TCTN1: variants seen among roughly 807,000 people sequenced by gnomAD.
The protein encoded by TCTN1 is tectonic-1.
TCTN1 carries 58 observed loss-of-function variants against 65.8 expected under a neutral mutation model. The ratio of observed to expected loss-of-function variants is 0.88; its 90% confidence interval spans 0.71 to 1.10. The LOEUF (loss-of-function observed/expected upper bound fraction) is 1.10, where lower values mean the gene tolerates loss of function less well. TCTN1 is among the 50% of genes least tolerant of loss of function. The pLI is 0.00. For synonymous variants in TCTN1, 273 were observed against 289.1 expected (o/e 0.94, Z 0.57); for missense variants, 645 against 719.4 (o/e 0.90, Z 1.18).
At chr12:110,622,052 C>T (rs1213626600) in intron 2 of TCTN1, among the ~76,000 whole-genome samples, 2 of 151,754 alleles carry the variant, frequency 1.3e-5, no homozygotes, top group Admixed American at 1.3e-4. Context: ...GTGGGAGAAT[C>T]GCTTGAACCT....
intron 9 of TCTN1, 136 bp downstream of exon 9, chr12:110,641,285 G>A (rs555498335): frequency 7.9e-7 from 1 of 1,271,724 alleles, no homozygotes; most frequent in East Asian, 2.5e-5. Flanking sequence ...TGTAGCCTGT[G>A]CATTTGTAAT....
chr12:110,628,200 T>A (rs904150465), intron 3 of TCTN1: 1 of 1,536,050 alleles, frequency 6.5e-7, no homozygotes, highest in East Asian at 2.4e-5. Flanking sequence ...CGGATTATTA[T>A]TGGCTTCTGT....
chr12:110,638,726 C>T (rs563061115), intron 7 of TCTN1, among the ~76,000 whole-genome samples: 4 of 152,314 alleles, frequency 2.6e-5, no homozygotes, highest in South Asian at 2.1e-4. Context: ...GCCAATTCCA[C>T]GCACACACCA....
chr12:110,639,983 G>C lies in TCTN1; in HGVS notation c.844-400G>C, dbSNP rs1040599914. 6.6e-6 allele frequency among the ~76,000 whole-genome samples: 1 copy of C among 152,138 alleles called. No homozygotes were observed. Among genetic ancestry groups the C allele is most frequent in the Non-Finnish European group, 1.5e-5 (1 of 68,018 alleles). On this transcript the variant is annotated intron_variant, in intron 7 of 14. Transcript: ENST00000397659. The surrounding 1 kb of genome is among the most constrained non-coding windows in gnomAD (Gnocchi z 4.9). The stretch of plus-strand genomic sequence containing the variant: ...GTTTTTAAGATTCATCTGTACTGTG[G>C]CATGTATTAGTACTATTTTTAGGGA...
chr12:110,634,144 C>T (rs1343370266), intron 5 of TCTN1, among the ~76,000 whole-genome samples: 2 of 152,004 alleles, frequency 1.3e-5, no homozygotes, highest in Non-Finnish European at 2.9e-5. Context: ...ACATTTGTTT[C>T]CAAAAGGGGA....
chr12:110,640,874 C>T lies in TCTN1; in HGVS notation c.979-150C>T. 1 of 1,144,554 alleles carries T rather than the reference C, an allele frequency of 8.7e-7. No homozygotes were observed. The highest frequency in any genetic ancestry group is 1.3e-6 in the Non-Finnish European group (1 of 772,268). The allele number at this position is 1,144,554 out of a possible 1,614,324, so 70.9% of individuals were successfully genotyped here. Reference sequence around the variant, plus strand: ...TCTGCTAGGGGTGGTGCTGAGGGAACACCTCTCATAATCCAACTGGACAGC... The same window carrying T: ...TCTGCTAGGGGTGGTGCTGAGGGAATACCTCTCATAATCCAACTGGACAGC... On this transcript the variant is annotated intron_variant, in intron 8 of 14. Transcript: ENST00000397659. The surrounding 1 kb of genome is among the most constrained non-coding windows in gnomAD (Gnocchi z 4.9).
chr12:110,632,573 C>A lies in TCTN1; in HGVS notation c.712+14C>A. On this transcript the variant is annotated intron_variant, in intron 5 of 14. Transcript: ENST00000397659. ...ATAACCCTGCAGGTAAGAAAGTGGT[C>A]ATTCTTCTTTCCTTAGACATTTGCT... 1 of 1,612,446 alleles carries A rather than the reference C, an allele frequency of 6.2e-7. No homozygotes were observed. The highest frequency in any genetic ancestry group is 1.1e-5 in the South Asian group (1 of 90,948).
rs896267691 is a variant in TCTN1 at position 110,641,778 on chromosome 12, G to C, written c.1190+151G>C. On this transcript the variant is annotated intron_variant, in intron 10 of 14. Coordinates refer to ENST00000397659, the MANE Select transcript of TCTN1 (RefSeq NM_001082538.3). The stretch of plus-strand genomic sequence containing the variant: ...TTCCTGCAGGCGGCTCTGGTGGGCG[G>C]CCAGTCTGGCTACACAGCAGGTGGG... 3 of 770,762 alleles carry C rather than the reference G, an allele frequency of 3.9e-6. No individual in the cohort carries two copies. The African/African-American group carries it at 5.2e-5, about 13-fold the overall frequency. 47.7% of individuals were successfully genotyped at this position (770,762 alleles called of 1,614,324 possible). A position where few individuals can be genotyped will look rare whatever the true frequency, so the allele number is the denominator to read the frequency against.
Position 110,640,086 on chromosome 12 carries a change from T to C in TCTN1, c.844-297T>C, listed in dbSNP as rs2066848538. On this transcript the variant is annotated intron_variant, in intron 7 of 14. Transcript: ENST00000397659. This position sits in a 1 kb window ranked among gnomAD's most constrained non-coding sequence, Gnocchi z 4.9. ...GATGGACATTTAGGTGGTTTTTGGT[T>C]TTAGCTATTTTGATAGTGCAGCTGT... Among the ~76,000 whole-genome samples, 1 of 152,232 alleles carries C rather than the reference T, an allele frequency of 6.6e-6. No individual in the cohort carries two copies. The highest frequency in any genetic ancestry group is 2.4e-5 in the African/African-American group (1 of 41,472).
At chr12:110,628,366 A>G in intron 3 of TCTN1, 1 of 883,924 alleles carries the variant, frequency 1.1e-6, no homozygotes, top group Non-Finnish European at 1.7e-6. Context: ...TTTGAGATGA[A>G]GTCTCACTGT....
intron 12 of TCTN1, chr12:110,646,407 T>A (rs2067303817): frequency 6.6e-6 from 1 of 152,038 alleles, no homozygotes; most frequent in South Asian, 2.1e-4. Flanking sequence ...TTTTTTTTTT[T>A]AATGAAAAAA....
In TCTN1 at chr12:110,641,042, T is replaced by C. The variant is rs756710838; in HGVS notation, c.997T>C (p.Tyr333His). Residue 333 changes from tyrosine (Y) to histidine (H), a missense_variant, in exon 9 of 15, where the codon TAC becomes CAC. By Grantham distance (83) the Tyr-to-His change is moderately conservative. Transcript: ENST00000397659. ...VVLEVKYSLT[Y>H]TDAGEVTKAD... The stretch of plus-strand genomic sequence containing the variant: ...TTTTTAGGTAAAGTACAGCCTCACA[T>C]ACACAGATGCAGGTGAAGTCACCAA... The C allele has an allele frequency of 6.2e-7, 1 of 1,614,270 alleles. No homozygotes were observed. The highest frequency in any genetic ancestry group is 8.5e-7 in the Non-Finnish European group (1 of 1,180,046).
In TCTN1 at chr12:110,640,288, A is replaced by G. The variant is rs1236109114; in HGVS notation, c.844-95A>G. On this transcript the variant is annotated intron_variant, in intron 7 of 14. Coordinates refer to ENST00000397659, the MANE Select transcript of TCTN1 (RefSeq NM_001082538.3). This position sits in a 1 kb window ranked among gnomAD's most constrained non-coding sequence, Gnocchi z 4.9. ...GTAGCATGCTTCCCCCTACTTGGCC[A>G]TATATCAGGGGAGGTTTCTTTCCAG... The G allele has an allele frequency of 4.0e-6, 6 of 1,497,730 alleles. No homozygotes were observed. The highest frequency in any genetic ancestry group is 1.4e-5 in the African/African-American group (1 of 72,644). 92.8% of individuals were successfully genotyped at this position (1,497,730 alleles called of 1,614,324 possible). A position where few individuals can be genotyped will look rare whatever the true frequency, so the allele number is the denominator to read the frequency against.
intron 4 of TCTN1, chr12:110,629,521 T>G (rs2066082658): frequency 6.6e-6 from 1 of 152,242 alleles, no homozygotes; most frequent in Non-Finnish European, 1.5e-5. Flanking sequence ...ATTAGAGAAA[T>G]GCAAATCAAA....
rs971795169 is a variant in TCTN1, at chr12:110,644,522, A to G, written c.1332-445A>G. On this transcript the variant is annotated intron_variant, in intron 11 of 14. Coordinates refer to ENST00000397659, the MANE Select transcript of TCTN1 (RefSeq NM_001082538.3). The surrounding 1 kb of genome is among the most constrained non-coding windows in gnomAD (Gnocchi z 4.6). ...GAAACCCCGTCTCTACTAAAAATAC[A>G]AAAAAATTAGCCAGGCATGGTGGTG... 1 of 235,026 alleles carries G rather than the reference A, an allele frequency of 4.3e-6. No individual in the cohort carries two copies. Among genetic ancestry groups the G allele is most frequent in the South Asian group, 5.1e-5 (1 of 19,420 alleles). The allele number at this position is 235,026 out of a possible 1,614,324, so 14.6% of individuals were successfully genotyped here.
At chr12:110,647,109 G>C in intron 12 of TCTN1, 87 bp from the exon 13 acceptor site, 1 of 1,499,102 alleles carries the variant, frequency 6.7e-7, no homozygotes, top group Admixed American at 1.7e-5. Context: ...AGAACATTTT[G>C]TAATATGTGA....
At chr12:110,643,363 A>G (rs147218877) in intron 11 of TCTN1, 40 of 152,318 alleles carry the variant, frequency 2.6e-4, no homozygotes, top group African/African-American at 8.7e-4. Flanking sequence ...AAATATGTAC[A>G]TAATGTAAAA....
intron 1 of TCTN1, 145 bp from the exon 2 acceptor site, chr12:110,619,691 A>T: frequency 7.7e-7 from 1 of 1,292,410 alleles, no homozygotes; most frequent in Non-Finnish European, 1.1e-6. Context: ...ACTCATTTCC[A>T]CTTCACAAAT....
intron 2 of TCTN1, 130 bp downstream of exon 2, chr12:110,620,086 C>T: frequency 7.3e-7 from 1 of 1,377,848 alleles, no homozygotes; most frequent in East Asian, 2.3e-5. Context: ...GTTCTGAAGC[C>T]ATACCGTCCA....
Sources: gnomAD v4.1 joint callset for allele counts (sites outside exome capture counted in the v4.1 genomes callset) on GRCh38, gnomAD v4.1.1 for gene constraint, Gnocchi (gnomAD v3.1) non-coding constraint, MANE v1.5 for transcripts, NCBI Gene and HGNC (gene_info 2026-07-23, HGNC 2026-07-21) for gene names.